Variants in PCDHA4 observed in about 807,000 individuals in gnomAD.
The protein encoded by PCDHA4 is protocadherin alpha 4.
PCDHA4 carries 49 observed loss-of-function variants against 61.4 expected under a neutral mutation model. The ratio of observed to expected loss-of-function variants is 0.80; its 90% CI spans 0.63 to 1.01. The LOEUF (loss-of-function observed/expected upper bound fraction) is 1.01. Among genes scored for constraint, PCDHA4 ranks in the 50% least tolerant of loss-of-function variants. The pLI, the probability that PCDHA4 is intolerant of heterozygous loss-of-function variation, is 0.00. For missense variants in PCDHA4, 1,254 were observed against 1,235.8 expected, an observed-to-expected ratio of 1.01 and a Z score of -0.22; for synonymous variants, 590 against 550.3, an observed-to-expected ratio of 1.07 and a Z score of -1.01.
In PCDHA4 at chr5:140,829,409, A is replaced by G. The variant is rs2150167358; in HGVS notation, c.2385+19837A>G. 6 of 1,614,026 alleles carry G rather than the reference A, an allele frequency of 3.7e-6. No individual in the cohort carries two copies. In the African/African-American group the frequency reaches 8.0e-5, roughly 22 times the overall value. On this transcript the variant is annotated intron_variant, in intron 1 of 3. Coordinates refer to ENST00000530339, the MANE Select transcript of PCDHA4 (RefSeq NM_018907.4). Reference sequence around the variant, plus strand: ...CTCGCCTTCGCTGTGGGCCACCGCCAGCTTGTCTGTGGAGGTGGCCGACAT... The same window carrying G: ...CTCGCCTTCGCTGTGGGCCACCGCCGGCTTGTCTGTGGAGGTGGCCGACAT...
rs552420407 is a variant in PCDHA4, at chr5:140,883,937, G to A, written c.2385+74365G>A. Reference sequence around the variant, plus strand: ...CGTGACGCTGCAGGTGTTCGTGCTGGACGAGAACGACAACGCTCCGGCGCT... The same window carrying A: ...CGTGACGCTGCAGGTGTTCGTGCTGAACGAGAACGACAACGCTCCGGCGCT... On this transcript the variant is annotated intron_variant, in intron 1 of 3. Transcript: ENST00000530339. The A allele has an allele frequency of 5.6e-6, 9 of 1,613,414 alleles. 1 individual carries two copies. The South Asian group carries it at 9.9e-5, about 18-fold the overall frequency.
chr5:140,870,078 G>A, intron 1 of PCDHA4: 1 of 1,613,838 alleles, frequency 6.2e-7, no homozygotes, highest in South Asian at 1.1e-5. Flanking sequence ...CAGATAAGGG[G>A]ACTCCCCCAA....
chr5:140,808,873 G>A lies in PCDHA4; in HGVS notation c.1686G>A (p.Ala562=). The stretch of plus-strand genomic sequence containing the variant: ...TCGTGCTGGACGAAAACGACAACGC[G>A]CCAGCACTGCTAGCGCCTCGGGCGG... ...QVFVLDENDN[A]PALLAPRAGG... Residue 562 remains alanine (A), a synonymous_variant, in exon 1 of 4, where the codon GCG becomes GCA. Coordinates refer to ENST00000530339, the MANE Select transcript of PCDHA4 (RefSeq NM_018907.4). The A allele has an allele frequency of 1.9e-6, 3 of 1,613,078 alleles. No homozygotes were observed. The highest frequency in any genetic ancestry group is 2.5e-6 in the Non-Finnish European group (3 of 1,179,904).
chr5:140,882,104 A>C, intron 1 of PCDHA4: 2 of 1,343,832 alleles, frequency 1.5e-6, no homozygotes. Context: ...CGTTTCCGCG[A>C]AGAAAGCCGC....
At chr5:140,973,768 A>G (rs1408539146) in intron 1 of PCDHA4, among the ~76,000 whole-genome samples, 3 of 152,258 alleles carry the variant, frequency 2.0e-5, no homozygotes, top group African/African-American at 7.2e-5. Flanking sequence ...ACAGCCTGGC[A>G]TATTATAGGT....
At chr5:140,833,531 T>G (rs1772504047) in intron 1 of PCDHA4, among the ~76,000 whole-genome samples, 1 of 152,126 alleles carries the variant, frequency 6.6e-6, no homozygotes, top group Admixed American at 6.6e-5. Context: ...AACACACAAG[T>G]GTTCGAAAGG....
chr5:140,978,037 A>G (rs1260035731), intron 1 of PCDHA4, among the ~76,000 whole-genome samples: 12 of 152,322 alleles, frequency 7.9e-5, no homozygotes, highest in African/African-American at 2.4e-4. Flanking sequence ...GATACAAGAC[A>G]GTGATGGTGA....
chr5:140,933,423 A>G (rs2089141997), intron 1 of PCDHA4, among the ~76,000 whole-genome samples: 1 of 152,144 alleles, frequency 6.6e-6, no homozygotes, highest in Non-Finnish European at 1.5e-5. Flanking sequence ...TTCTGTGTTC[A>G]TAGGGGCACT....
chr5:140,947,570 TG>T (rs2094146227), intron 1 of PCDHA4, among the ~76,000 whole-genome samples: 1 of 151,820 alleles, frequency 6.6e-6, no homozygotes, highest in African/African-American at 2.4e-5. Flanking sequence ...ATATTGGGAA[TG>T]TTTTTAACAT....
At chr5:140,842,696 G>C in intron 1 of PCDHA4, 1 of 1,595,300 alleles carries the variant, frequency 6.3e-7, no homozygotes, top group Non-Finnish European at 8.6e-7. Context: ...CGCGCAGCCC[G>C]AGTACACGGT....
intron 1 of PCDHA4, chr5:140,968,154 A>G (rs782200456): frequency 3.7e-6 from 6 of 1,614,162 alleles, no homozygotes; most frequent in South Asian, 1.1e-5. Flanking sequence ...TCTGACATCA[A>G]TGACAATCCA....
At chr5:140,966,414 G>A (rs1310333281) in intron 1 of PCDHA4, 5 of 420,334 alleles carry the variant, frequency 1.2e-5, no homozygotes, top group African/African-American at 2.1e-5. Context: ...AATCAGAGCA[G>A]GACTTGCTGA....
chr5:140,926,212 T>G (rs1261895253), intron 1 of PCDHA4, among the ~76,000 whole-genome samples: 2 of 152,204 alleles, frequency 1.3e-5, no homozygotes, highest in Non-Finnish European at 2.9e-5. Context: ...GGGCTCCTGT[T>G]TCCTTAAGCC....
At chr5:140,911,384 C>T (rs2075446155) in intron 1 of PCDHA4, among the ~76,000 whole-genome samples, 1 of 152,134 alleles carries the variant, frequency 6.6e-6, no homozygotes, top group Non-Finnish European at 1.5e-5. Flanking sequence ...TGTGCATGCA[C>T]CTTTCATTGC....
At chr5:140,935,639 T>A (rs1377571192) in intron 1 of PCDHA4, among the ~76,000 whole-genome samples, 2 of 152,192 alleles carry the variant, frequency 1.3e-5, no homozygotes, top group African/African-American at 4.8e-5. Context: ...AGGGCTTGCT[T>A]TTTAAATTTT....
chr5:140,953,607 G>A (rs1040886184), intron 1 of PCDHA4, among the ~76,000 whole-genome samples: 21 of 152,152 alleles, frequency 1.4e-4, no homozygotes, highest in African/African-American at 4.8e-4. Flanking sequence ...ATTCCCCAGA[G>A]TCCTTAGATA....
chr5:140,970,854 T>G (rs2096437899), intron 1 of PCDHA4, among the ~76,000 whole-genome samples: 1 of 152,148 alleles, frequency 6.6e-6, no homozygotes, highest in Non-Finnish European at 1.5e-5. Flanking sequence ...GCACAAAAGT[T>G]CCATTCCTGA....
At chr5:140,960,742 T>C (rs1336861398) in intron 1 of PCDHA4, among the ~76,000 whole-genome samples, 1 of 151,530 alleles carries the variant, frequency 6.6e-6, no homozygotes, top group Non-Finnish European at 1.5e-5. Flanking sequence ...TTTTAGTCCA[T>C]GGCTAAAATC....
intron 1 of PCDHA4, chr5:140,827,968 A>ATTCTTCTT: frequency 7.3e-7 from 1 of 1,370,946 alleles, no homozygotes; most frequent in South Asian, 1.4e-5. Flanking sequence ...CTATTACTGC[A>ATTCTTCTT]TCATTCCCTG....
Sources: gnomAD v4.1 joint callset for allele counts (sites outside exome capture counted in the v4.1 genomes callset) on GRCh38, gnomAD v4.1.1 for gene constraint, MANE v1.5 for transcripts, NCBI Gene and HGNC (gene_info 2026-07-23, HGNC 2026-07-21) for gene names.